OSBPL11: variants seen among roughly 807,000 people sequenced by gnomAD.
The protein encoded by OSBPL11 is oxysterol-binding protein-related protein 11.
Under a neutral mutation model 84.4 loss-of-function variants are expected in OSBPL11, and 33 were observed. That is an observed-to-expected ratio of 0.39 (90% CI 0.30 to 0.52). The LOEUF is 0.52. Among genes scored for constraint, OSBPL11 ranks in the 20% least tolerant of loss-of-function variants. The pLI, the probability that OSBPL11 is intolerant of heterozygous loss-of-function variation, is 0.72. For synonymous variants in OSBPL11, 276 were observed against 310.2 expected (o/e 0.89, Z 1.16); for missense variants, 736 against 901.1 (o/e 0.82, Z 2.35).
At position 125,530,496 on chromosome 3, in the gene OSBPL11, G is replaced by T; in HGVS notation, c.*19C>A. On this transcript the variant is annotated 3_prime_UTR_variant, in exon 13 of 13. Transcript: ENST00000296220. ...AAACAGAGAAGAACCTCATTTGGTC[G>T]AGTTTTAGATAGTATGTGTCACTCT... 6.2e-7 allele frequency: 1 copy of T among 1,607,826 alleles called. No homozygotes were observed. Among genetic ancestry groups the T allele is most frequent in the Non-Finnish European group, 8.5e-7 (1 of 1,174,464 alleles).
chr3:125,561,705 C>T (rs1181249727), intron 7 of OSBPL11, among the ~76,000 whole-genome samples: 6 of 152,194 alleles, frequency 3.9e-5, no homozygotes, highest in Non-Finnish European at 8.8e-5. Context: ...TTTGGAGGCA[C>T]AATTTACACT....
At position 125,595,295 on chromosome 3, in the gene OSBPL11, G is replaced by A. The variant is rs1463098524; in HGVS notation, c.-495C>T. The stretch of plus-strand genomic sequence containing the variant: ...TTCCCGCCGCAGCCCCCGAGATACA[G>A]CCAGGGCCGGCGCGCGCAGCCGGGG... On this transcript the variant is annotated 5_prime_UTR_variant, in exon 1 of 13. Coordinates refer to ENST00000296220, the MANE Select transcript of OSBPL11 (RefSeq NM_022776.5). Among the ~76,000 whole-genome samples the A allele has an allele frequency of 6.6e-6, 1 of 152,162 alleles. No individual in the cohort carries two copies. Among genetic ancestry groups the A allele is most frequent in the Non-Finnish European group, 1.5e-5 (1 of 68,006 alleles).
chr3:125,570,875 T>C (rs1553735236), intron 5 of OSBPL11, among the ~76,000 whole-genome samples: 1 of 152,136 alleles, frequency 6.6e-6, no homozygotes, highest in South Asian at 2.1e-4. Context: ...TATGGACTAA[T>C]ACAGTAAATT....
In OSBPL11 at chr3:125,547,435, G is replaced by A. The variant is rs1405975777; in HGVS notation, c.1812C>T (p.Thr604=). 1 of 1,613,920 alleles carries A rather than the reference G, an allele frequency of 6.2e-7. No individual in the cohort carries two copies. The highest frequency in any genetic ancestry group is 1.7e-5 in the Admixed American group (1 of 59,948). The change falls in exon 10 of 13, where the codon ACC becomes ACT. Residue 604 remains threonine (T), a synonymous_variant. Coordinates refer to ENST00000296220, the MANE Select transcript of OSBPL11 (RefSeq NM_022776.5). ...GCAGTTTGCCACCATAAAATGGCTT[G>A]GTATGAAAAGTGATGCTGGCTGAAT... The part of the protein sequence containing the change: ...TGYSASITFH[T]KPFYGGKLHR...
intron 10 of OSBPL11, among the ~76,000 whole-genome samples, chr3:125,540,805 G>T (rs1326728323): frequency 1.3e-5 from 2 of 151,910 alleles, no homozygotes; most frequent in Non-Finnish European, 2.9e-5. Context: ...ATTGTTTAGA[G>T]CAGCTACACA....
chr3:125,587,856 T>C (rs1387914172), intron 1 of OSBPL11, among the ~76,000 whole-genome samples: 1 of 152,148 alleles, frequency 6.6e-6, no homozygotes, highest in Non-Finnish European at 1.5e-5. Flanking sequence ...GGAGGATTGC[T>C]TGAGCCCAGG....
intron 11 of OSBPL11, among the ~76,000 whole-genome samples, chr3:125,533,138 T>G (rs924020512): frequency 6.6e-6 from 1 of 152,090 alleles, no homozygotes; most frequent in African/African-American, 2.4e-5. Context: ...ACTAAACATC[T>G]GTTTTTTCTT....
chr3:125,544,474 C>A (rs1231812513), intron 10 of OSBPL11, among the ~76,000 whole-genome samples: 1 of 152,116 alleles, frequency 6.6e-6, no homozygotes, highest in Non-Finnish European at 1.5e-5. Context: ...AAATAATTCC[C>A]TTTAACAGGC....
chr3:125,548,920 C>A, intron 9 of OSBPL11, among the ~76,000 whole-genome samples: 1 of 150,746 alleles, frequency 6.6e-6, no homozygotes. Context: ...CAAAGGGCAA[C>A]AATAAATTAA....
At position 125,576,198 on chromosome 3, in the gene OSBPL11, T is replaced by C. The variant is rs1180617751; in HGVS notation, c.657A>G (p.Glu219=). ...RTNLPPDHLV[E]VREMMSHAEG... ...TTTAATTCATACTTACTTCTCTGAC[T>C]TCCACAAGATGGTCTGGAGGTAAAT... Residue 219 remains glutamate, a synonymous_variant, in exon 5 of 13, where the codon GAA becomes GAG. Coordinates refer to ENST00000296220, the MANE Select transcript of OSBPL11 (RefSeq NM_022776.5). 4.4e-6 allele frequency: 7 copies of C among 1,605,412 alleles called. No individual in the cohort carries two copies. Among genetic ancestry groups the C allele is most frequent in the Non-Finnish European group, 5.9e-6 (7 of 1,177,506 alleles).
Position 125,558,348 on chromosome 3 carries a change from CTA to C in OSBPL11, c.1155+2029_1155+2030del, listed in dbSNP as rs570157653. On this transcript the variant is annotated intron_variant, in intron 8 of 12. Transcript: ENST00000296220. ...TATTCATTTTTAACCAATTTCACAA[CTA>C]TGAGGTCTTTTCTGAACCATTAATA... 1.9e-3 allele frequency among the ~76,000 whole-genome samples: 294 copies of C among 152,316 alleles called. 1 individual carries two copies. The highest frequency in any genetic ancestry group is 6.1e-3 in the African/African-American group (252 of 41,574).
At chr3:125,569,269 T>C (rs1228066164) in intron 5 of OSBPL11, among the ~76,000 whole-genome samples, 1 of 151,948 alleles carries the variant, frequency 6.6e-6, no homozygotes, top group African/African-American at 2.4e-5. Context: ...TTAATATGGC[T>C]CATCGGGGGC....
chr3:125,567,695 T>C (rs1284539652), intron 5 of OSBPL11, 100 bp from the exon 6 acceptor site: 5 of 969,100 alleles, frequency 5.2e-6, no homozygotes, highest in Non-Finnish European at 7.8e-6. Flanking sequence ...TCTGAGCCAT[T>C]TTTAAAGACC....
At chr3:125,562,184 C>G (rs1936088390) in intron 7 of OSBPL11, among the ~76,000 whole-genome samples, 3 of 152,084 alleles carry the variant, frequency 2.0e-5, no homozygotes, top group African/African-American at 7.2e-5. Context: ...TCCCAATAGC[C>G]TACATGGTAT....
chr3:125,552,977 G>A (rs145884533), intron 8 of OSBPL11, among the ~76,000 whole-genome samples: 1 of 152,246 alleles, frequency 6.6e-6, no homozygotes, highest in East Asian at 1.9e-4. Context: ...AATTAGCTGG[G>A]CATGGTGCCT....
At chr3:125,540,328 CAAAAAAAAA>C (rs201858368) in intron 10 of OSBPL11, among the ~76,000 whole-genome samples, 7 of 85,338 alleles carry the variant, frequency 8.2e-5, no homozygotes, top group East Asian at 5.6e-4. Context: ...GGCTCTGTCT[CAAAAAAAAA>C]AAAAAAAAAA....
chr3:125,540,987 A>G (rs1935722130), intron 10 of OSBPL11, among the ~76,000 whole-genome samples: 1 of 152,260 alleles, frequency 6.6e-6, no homozygotes, highest in Non-Finnish European at 1.5e-5. Context: ...ATAAAGAGCC[A>G]GAAAGTAACT....
At chr3:125,582,809 C>T in intron 2 of OSBPL11, 101 bp downstream of exon 2, 1 of 892,310 alleles carries the variant, frequency 1.1e-6, no homozygotes, top group South Asian at 1.7e-5. Context: ...TAAAAGGTTT[C>T]CCAGCCATGT....
chr3:125,579,979 T>C lies in OSBPL11; in HGVS notation c.295A>G (p.Asn99Asp). Residue 99 changes from asparagine (N) to aspartate (D), a missense_variant, in exon 3 of 13, where the codon AAT (asparagine) becomes GAT (aspartate). Asn to Asp is a conservative substitution (Grantham distance 23, BLOSUM62 1). Around this residue, in one of 3 missense-constraint regions of OSBPL11, gnomAD observed 43 missense variants for 78.7 expected, o/e 0.55. Transcript: ENST00000296220. ...TGCAAAGTTCCTCTAGGTTTCTGAT[T>C]TCTAGACTGTTCATTCACAAAGTAC... ...LEYFVNEQSR[N>D]QKPRGTLQLA... is the part of the protein sequence containing the mutation. The C allele has an allele frequency of 6.2e-7, 1 of 1,614,186 alleles. No homozygotes were observed. Among genetic ancestry groups the C allele is most frequent in the South Asian group, 1.1e-5 (1 of 91,088 alleles).
Sources: allele counts gnomAD v4.1 joint callset (sites outside exome capture counted in the v4.1 genomes callset), GRCh38; gene constraint gnomAD v4.1.1; regional missense constraint gnomAD v4.1.1; transcripts MANE v1.5; gene names NCBI Gene and HGNC (gene_info 2026-07-23, HGNC 2026-07-21).